The following CENPU variants were observed in gnomAD, a reference collection of about 807,000 sequenced individuals.
CENPU encodes centromere protein U.
A neutral mutation model predicts 56.7 loss-of-function variants in CENPU; 46 were observed. The ratio of observed to expected loss-of-function variants is 0.81; its 90% CI spans 0.64 to 1.04. The LOEUF is 1.04. Among genes scored for constraint, CENPU ranks in the 50% least tolerant of loss-of-function variants. CENPU has a pLI of 0.00. For missense variants in CENPU, 510 were observed against 490.1 expected, an observed-to-expected ratio of 1.04 and a Z score of -0.38; for synonymous variants, 166 against 163.0, an observed-to-expected ratio of 1.02 and a Z score of -0.14.
rs546766922 is a variant in CENPU, at chr4:184,694,905, T to C, written c.*383A>G. On this transcript the variant is annotated 3_prime_UTR_variant, in exon 13 of 13. Transcript: ENST00000281453. ...TATTACTTTGCTTTCCAATTTTTGT[T>C]TTTTACTTCTGTAAACCAATTTCAT... 6.4e-5 allele frequency: 54 copies of C among 840,384 alleles called. No individual in the cohort carries two copies. In the East Asian group the frequency reaches 1.4e-3, roughly 22 times the overall value. 52.1% of individuals were successfully genotyped at this position (840,384 alleles called of 1,614,324 possible).
At chr4:184,701,634 A>G (rs934921358) in intron 10 of CENPU, among the ~76,000 whole-genome samples, 7 of 152,298 alleles carry the variant, frequency 4.6e-5, no homozygotes, top group Non-Finnish European at 1.0e-4. Context: ...AACCAGGACT[A>G]GACATGAGGT....
chr4:184,716,355 T>TA lies in CENPU; in HGVS notation c.618+41dup, dbSNP rs773279175. The TA allele has an allele frequency of 2.2e-6, 3 of 1,391,756 alleles. No individual in the cohort carries two copies. The African/African-American group carries it at 4.4e-5, about 20-fold the overall frequency. 86.2% of individuals were successfully genotyped at this position (1,391,756 alleles called of 1,614,324 possible). On this transcript the variant is annotated intron_variant, in intron 6 of 12. Coordinates refer to ENST00000281453, the MANE Select transcript of CENPU (RefSeq NM_024629.4). Reference sequence around the variant, plus strand: ...CATTTTCTTCCCCAAAATTTTTCAATAAACTTTTTTTGCCCTCCTAGGGGA... The same window carrying TA: ...CATTTTCTTCCCCAAAATTTTTCAATAAAACTTTTTTTGCCCTCCTAGGGGA...
chr4:184,710,480 A>C, intron 7 of CENPU: 1 of 216,968 alleles, frequency 4.6e-6, no homozygotes, highest in Non-Finnish European at 9.0e-6. Flanking sequence ...CTGTTATTTA[A>C]CATTACTGGG....
At chr4:184,724,893 C>G in intron 4 of CENPU, 64 bp downstream of exon 4, 2 of 1,085,772 alleles carry the variant, frequency 1.8e-6, no homozygotes, top group Middle Eastern at 4.1e-4. Flanking sequence ...TAGCTTCTAT[C>G]TTAAAGAGTT....
At chr4:184,717,961 T>C (rs1312331541) in intron 4 of CENPU, among the ~76,000 whole-genome samples, 2 of 152,214 alleles carry the variant, frequency 1.3e-5, no homozygotes, top group Non-Finnish European at 2.9e-5. Context: ...TCAAGAAACA[T>C]GCAACAGAGC....
rs1211505497 is a variant in CENPU, at chr4:184,710,078, T to A, written c.791A>T (p.Glu264Val). The A allele has an allele frequency of 6.3e-7, 1 of 1,596,084 alleles. No individual in the cohort carries two copies. The highest frequency in any genetic ancestry group is 1.1e-5 in the South Asian group (1 of 89,954). Reference protein sequence around the residue: ...VLPEFEKTHLEHQQRIESKVC... With the variant: ...VLPEFEKTHLVHQQRIESKVC... ...ACATCATCAAAAGACTTACTGATGC[T>A]CTAGGTGGGTTTTCTCAAATTCAGG... The change falls in exon 8 of 13, where the codon GAG becomes GTG. Residue 264 changes from glutamate to valine, a missense_variant. Glu to Val is a moderately radical substitution (Grantham distance 121). Coordinates refer to ENST00000281453, the MANE Select transcript of CENPU (RefSeq NM_024629.4).
chr4:184,699,581 T>C lies in CENPU; in HGVS notation c.986+1239A>G, dbSNP rs780983048. 1.5e-4 allele frequency: 193 copies of C among 1,289,066 alleles called. 4 individuals are homozygous for C. The South Asian group carries it at 2.0e-3, about 13-fold the overall frequency. 79.9% of individuals were successfully genotyped at this position (1,289,066 alleles called of 1,614,324 possible). On this transcript the variant is annotated intron_variant, in intron 11 of 12. Transcript: ENST00000281453. ...GCCTGGGTCAGTGAAAACCTTACCA[T>C]AGGCCAGCACCTGTCCAGAGACTCA...
At chr4:184,723,859 A>G (rs1027447610) in intron 4 of CENPU, among the ~76,000 whole-genome samples, 9 of 151,404 alleles carry the variant, frequency 5.9e-5, no homozygotes, top group Non-Finnish European at 2.9e-5. Flanking sequence ...AAAAAAAAAA[A>G]AAAAAAATAA....
chr4:184,730,602 A>C (rs73874438), intron 2 of CENPU, among the ~76,000 whole-genome samples: 1,138 of 9,400 alleles, frequency 0.12, 17 homozygotes, highest in African/African-American at 0.16. Context: ...ATGAAATCAT[A>C]AAACAATTCT....
intron 4 of CENPU, among the ~76,000 whole-genome samples, chr4:184,719,647 G>A (rs1761208024): frequency 6.6e-6 from 1 of 152,186 alleles, no homozygotes. Flanking sequence ...GTGACCTACT[G>A]AGACACCAAC....
At chr4:184,731,974 A>C (rs1332860810) in intron 1 of CENPU, among the ~76,000 whole-genome samples, 5 of 151,876 alleles carry the variant, frequency 3.3e-5, no homozygotes, top group Non-Finnish European at 7.4e-5. Flanking sequence ...AGGGCATTAT[A>C]CTGCATATTC....
Position 184,716,483 on chromosome 4 carries a change from C to T in CENPU, c.532G>A (p.Ala178Thr). The change falls in exon 6 of 13, where the codon GCT (alanine) becomes ACT (threonine). Residue 178 changes from alanine (A) to threonine (T), a missense_variant. Coordinates refer to ENST00000281453, the MANE Select transcript of CENPU (RefSeq NM_024629.4). ...GTCTTTTTAGAAGTGACAGACTCAG[C>T]TGGTTTCTCTGAAAGTTCTGAAGAC... The part of the protein sequence containing the change: ...TASSELSEKP[A>T]ESVTSKKTGP... 6.2e-7 allele frequency: 1 copy of T among 1,614,146 alleles called. No homozygotes were observed. Among genetic ancestry groups the T allele is most frequent in the Non-Finnish European group, 8.5e-7 (1 of 1,180,024 alleles).
chr4:184,694,510 A>G lies in CENPU; in HGVS notation c.*778T>C, dbSNP rs1359309179. 11 of 1,608,184 alleles carry G rather than the reference A, an allele frequency of 6.8e-6. No individual in the cohort carries two copies. In the African/African-American group the frequency reaches 1.1e-4, roughly 16 times the overall value. The stretch of plus-strand genomic sequence containing the variant: ...CTATCCCACTCTCTATCCCTTCACC[A>G]CTGAAATAAAGGAAGAAGAGTTTAC... On this transcript the variant is annotated 3_prime_UTR_variant, in exon 13 of 13. Transcript: ENST00000281453.
chr4:184,731,148 C>A (rs181248258), intron 1 of CENPU, among the ~76,000 whole-genome samples, 180 bp from the exon 2 acceptor site: 1 of 152,062 alleles, frequency 6.6e-6, no homozygotes, highest in Non-Finnish European at 1.5e-5. Context: ...TACCTCTCCC[C>A]CTCAGGGACA....
chr4:184,716,447 T>G lies in CENPU; in HGVS notation c.568A>C (p.Ser190Arg), dbSNP rs1398743092. ...SVTSKKTGPLSAQPSVEKENL... is the reference protein window; with the variant it reads ...SVTSKKTGPLRAQPSVEKENL... ...TCTTTTTCAACAGAGGGCTGGGCAC[T>G]AAGGGGTCCTGTCTTTTTAGAAGTG... Residue 190 changes from serine to arginine, a missense_variant, in exon 6 of 13, where the codon AGT becomes CGT. Ser to Arg is a moderately radical substitution (Grantham distance 110). Coordinates refer to ENST00000281453, the MANE Select transcript of CENPU (RefSeq NM_024629.4). The G allele has an allele frequency of 1.9e-6, 3 of 1,614,116 alleles. No individual in the cohort carries two copies. In the African/African-American group the frequency reaches 4.0e-5, roughly 22 times the overall value.
intron 9 of CENPU, 42 bp downstream of exon 9, chr4:184,702,321 G>GA (rs766312433): frequency 1.5e-5 from 23 of 1,574,066 alleles, no homozygotes; most frequent in Middle Eastern, 1.7e-4. Flanking sequence ...CAGGATTAGT[G>GA]AAAAAAACCT....
chr4:184,695,912 T>C (rs1030155506), intron 12 of CENPU, among the ~76,000 whole-genome samples: 6 of 152,208 alleles, frequency 3.9e-5, no homozygotes, highest in Non-Finnish European at 8.8e-5. Flanking sequence ...GGAGAATCAA[T>C]TAAATGTCTC....
intron 1 of CENPU, among the ~76,000 whole-genome samples, chr4:184,731,890 T>TGTGTGTGTGTGC (rs1280713297): frequency 6.6e-6 from 1 of 151,044 alleles, no homozygotes. Context: ...GCTCTGTGTG[T>TGTGTGTGTGTGC]GTGTGTGTGT....
chr4:184,706,290 A>ACC (rs1244180735), intron 8 of CENPU, among the ~76,000 whole-genome samples: 1 of 152,138 alleles, frequency 6.6e-6, no homozygotes, highest in Non-Finnish European at 1.5e-5. Context: ...GGTCCCCTAA[A>ACC]CCCAGGAGTT....
Sources: allele counts gnomAD v4.1 joint callset (sites outside exome capture counted in the v4.1 genomes callset), GRCh38; gene constraint gnomAD v4.1.1; transcripts MANE v1.5; gene names NCBI Gene and HGNC (gene_info 2026-07-23, HGNC 2026-07-21).